Variants in XPNPEP2 observed in about 807,000 individuals in gnomAD.
XPNPEP2 encodes the protein xaa-Pro aminopeptidase 2.
In XPNPEP2, 64 loss-of-function variants were observed where a neutral mutation model predicts 59.8. The ratio of observed to expected loss-of-function variants is 1.07; its 90% CI spans 0.87 to 1.32. XPNPEP2 has a LOEUF of 1.32. XPNPEP2 is among the 40% of genes most tolerant of loss of function. The probability of loss-of-function intolerance (pLI) is 0.00; values close to 1 mark genes in which losing one functional copy is unlikely to be tolerated. For missense variants in XPNPEP2, 575 were observed against 546.8 expected (o/e 1.05, Z -0.51); for synonymous variants, 235 against 210.0 (o/e 1.12, Z -1.03).
In XPNPEP2 at chrX:129,741,960, G is replaced by A. The variant is rs1157458321; in HGVS notation, c.50-148G>A. The A allele has an allele frequency of 2.7e-5, 13 of 476,028 alleles. No homozygotes were observed. In the East Asian group the frequency reaches 4.7e-4, roughly 17 times the overall value. 39.2% of individuals were successfully genotyped at this position (476,028 alleles called of 1,213,427 possible). A position where few individuals can be genotyped will look rare whatever the true frequency, so the allele number is the denominator to read the frequency against. ...AGTTCAGCCTGATTTCCTATGAAAT[G>A]TGATTATTTTTATCCTCAAGTAGAG... On this transcript the variant is annotated intron_variant, in intron 1 of 20. Transcript: ENST00000371106.
intron 7 of XPNPEP2, among the ~76,000 whole-genome samples, chrX:129,750,149 C>T (rs184463971): frequency 8.9e-5 from 10 of 112,663 alleles, no homozygotes; most frequent in Non-Finnish European, 1.7e-4. Context: ...TAATTCATTC[C>T]ATCCTCATAG....
rs777732622 is a variant in XPNPEP2, at chrX:129,761,298, C to G, written c.1603+22C>G. On this transcript the variant is annotated intron_variant, in intron 17 of 20. Transcript: ENST00000371106. ...GAGTGTAGGTGTCTCCTCAGCACTC[C>G]CCAGGCCACCCCCCTTTTATTATAC... 3.0e-5 allele frequency: 34 copies of G among 1,123,620 alleles called. No homozygotes were observed. The South Asian group carries it at 6.1e-4, about 20-fold the overall frequency. 92.6% of individuals were successfully genotyped at this position (1,123,620 alleles called of 1,213,427 possible). A position where few individuals can be genotyped will look rare whatever the true frequency, so the allele number is the denominator to read the frequency against.
In XPNPEP2 at chrX:129,743,874, T is replaced by A. The variant is rs751155972; in HGVS notation, c.124-87T>A. ...CTTCAGGAGAGGCTGGGGGCTCTTC[T>A]GGAGGCCAGGGGCCCAGATGTCATT... is the stretch of plus-strand genomic sequence containing the variant. On this transcript the variant is annotated intron_variant, in intron 2 of 20. Coordinates refer to ENST00000371106, the MANE Select transcript of XPNPEP2 (RefSeq NM_003399.6). 2.4e-5 allele frequency: 21 copies of A among 884,682 alleles called. No individual in the cohort carries two copies. In the African/African-American group the frequency reaches 2.9e-4, roughly 12 times the overall value. The allele number at this position is 884,682 out of a possible 1,213,427, so 72.9% of individuals were successfully genotyped here.
chrX:129,742,506 T>C (rs1187670123), intron 2 of XPNPEP2, among the ~76,000 whole-genome samples: 2 of 109,184 alleles, frequency 1.8e-5, no homozygotes, highest in Non-Finnish European at 3.8e-5. Flanking sequence ...GGCCCCTAAC[T>C]GGCCTTTGGC....
intron 16 of XPNPEP2, 94 bp from the exon 17 acceptor site, chrX:129,761,078 C>T: frequency 1.1e-6 from 1 of 904,368 alleles, no homozygotes; most frequent in Non-Finnish European, 1.6e-6. Context: ...GGCCCCTCTT[C>T]TTAGGCACCA....
chrX:129,752,334 A>G lies in XPNPEP2; in HGVS notation c.1006A>G (p.Met336Val). ...TSYTMYGIYE[M>V]IPKEKLVTDT... ...CTATACCATGTATGGGATCTATGAAATGATACCCAAGGTGGGTTTGCCAGG... is the reference window on the plus strand; with the variant it reads ...CTATACCATGTATGGGATCTATGAAGTGATACCCAAGGTGGGTTTGCCAGG... Residue 336 changes from methionine (M) to valine (V), a missense_variant, in exon 10 of 21, where the codon ATG (methionine) becomes GTG (valine). Transcript: ENST00000371106. The G allele has an allele frequency of 2.5e-6, 3 of 1,210,628 alleles. No homozygotes were observed. Among genetic ancestry groups the G allele is most frequent in the Non-Finnish European group, 3.4e-6 (3 of 894,811 alleles).
intron 2 of XPNPEP2, 134 bp downstream of exon 2, chrX:129,742,315 T>C (rs747593949): frequency 6.1e-6 from 2 of 329,874 alleles, no homozygotes; most frequent in East Asian, 1.1e-4. Context: ...GGTCAGTTGG[T>C]AGCCCCTCCT....
rs1460478930 is a variant in XPNPEP2 at position 129,751,785 on chromosome X, C to G, written c.780C>G (p.Pro260=). The G allele has an allele frequency of 3.3e-6, 4 of 1,211,366 alleles. No individual in the cohort carries two copies. Among genetic ancestry groups the G allele is most frequent in the Non-Finnish European group, 4.5e-6 (4 of 895,200 alleles). Residue 260 remains proline (P), a synonymous_variant, in exon 9 of 21, where the codon CCC becomes CCG. Coordinates refer to ENST00000371106, the MANE Select transcript of XPNPEP2 (RefSeq NM_003399.6). ...GAGCCAGTGACATCCCCTATAACCC[C>G]TTCTTCTATTCCTACACGCTGCTCA... ...NLRASDIPYN[P]FFYSYTLLTD...
chrX:129,760,689 C>T (rs752324388), intron 16 of XPNPEP2, 108 bp downstream of exon 16: 2 of 821,407 alleles, frequency 2.4e-6, no homozygotes, highest in Non-Finnish European at 3.5e-6. Flanking sequence ...TCATCCCATC[C>T]CTTATGTAGA....
chrX:129,767,535 T>C lies in XPNPEP2; in HGVS notation c.1741-68T>C, dbSNP rs191527747. ...TCCTCCGGGTGGAGTGCTCCTTCCT[T>C]CCCTTCAGCCCAGTTCCTCCTCCTC... On this transcript the variant is annotated intron_variant, in intron 19 of 20. Coordinates refer to ENST00000371106, the MANE Select transcript of XPNPEP2 (RefSeq NM_003399.6). 2.8e-6 allele frequency: 3 copies of C among 1,083,009 alleles called. No individual in the cohort carries two copies. In the East Asian group the frequency reaches 9.1e-5, roughly 33 times the overall value. The allele number at this position is 1,083,009 out of a possible 1,213,427, so 89.3% of individuals were successfully genotyped here.
intron 8 of XPNPEP2, 94 bp downstream of exon 8, chrX:129,750,663 A>G (rs1926375294): frequency 9.6e-6 from 7 of 731,085 alleles, no homozygotes; most frequent in Non-Finnish European, 1.4e-5. Context: ...CTCTTCCCCA[A>G]ATAACCATGT....
chrX:129,739,336 G>C, intron 1 of XPNPEP2, 74 bp downstream of exon 1: 2 of 1,077,814 alleles, frequency 1.9e-6, no homozygotes, highest in East Asian at 3.0e-5. Flanking sequence ...GTTGGAGTGA[G>C]GGTTGGGGCC....
intron 14 of XPNPEP2, among the ~76,000 whole-genome samples, chrX:129,758,657 G>A (rs1479958603): frequency 2.7e-5 from 3 of 112,184 alleles, no homozygotes; most frequent in Non-Finnish European, 5.6e-5. Flanking sequence ...GGAAACAGCC[G>A]CATGGCCTCA....
At chrX:129,763,350 G>A (rs1254299123) in intron 19 of XPNPEP2, among the ~76,000 whole-genome samples, 2 of 112,151 alleles carry the variant, frequency 1.8e-5, no homozygotes, top group Non-Finnish European at 3.8e-5. Context: ...ATAAACATGC[G>A]AAGATAGCTA....
Position 129,746,132 on chromosome X carries a change from C to G in XPNPEP2, c.299-104C>G, listed in dbSNP as rs76496169. ...GGAGGAGAGAATCTCTTTCCAGAGG[C>G]CCCTTGTGGCATTCTCAGAGCCAGC... is the stretch of plus-strand genomic sequence containing the variant. On this transcript the variant is annotated intron_variant, in intron 4 of 20. Coordinates refer to ENST00000371106, the MANE Select transcript of XPNPEP2 (RefSeq NM_003399.6). The G allele has an allele frequency of 1.1e-3, 713 of 624,527 alleles. 6 individuals are homozygous for G. In the East Asian group the frequency reaches 0.014, roughly 12 times the overall value. The allele number at this position is 624,527 out of a possible 1,213,427, so 51.5% of individuals were successfully genotyped here.
rs778684310 is a variant in XPNPEP2, at chrX:129,762,769, A to C, written c.1739A>C (p.Lys580Thr). ...GCTCTCGTGGTAGAAGCAAAGACCAAGGTAAACTGCCACCAGGATGGGCTG... is the reference window on the plus strand; with the variant it reads ...GCTCTCGTGGTAGAAGCAAAGACCACGGTAAACTGCCACCAGGATGGGCTG... ...DVALVVEAKT[K>T]YPGSYLTFEV... The change falls in exon 19 of 21, where the codon AAG becomes ACG. Residue 580 changes from lysine (K) to threonine (T), a missense_variant and splice_region_variant. Coordinates refer to ENST00000371106, the MANE Select transcript of XPNPEP2 (RefSeq NM_003399.6). The C allele has an allele frequency of 8.3e-7, 1 of 1,210,156 alleles. No individual in the cohort carries two copies. The highest frequency in any genetic ancestry group is 1.8e-5 in the South Asian group (1 of 56,981).
chrX:129,745,642 T>C (rs1443091450), intron 4 of XPNPEP2, among the ~76,000 whole-genome samples: 1 of 111,900 alleles, frequency 8.9e-6, no homozygotes, highest in African/African-American at 3.3e-5. Context: ...AGTTTTCCTT[T>C]GCCGGTTGTT....
chrX:129,751,535 G>GAAGAAAGAAAGAAAGA (rs1178245774), intron 8 of XPNPEP2, among the ~76,000 whole-genome samples: 10 of 50,861 alleles, frequency 2.0e-4, no homozygotes, highest in Non-Finnish European at 2.6e-4. Context: ...AGAAAGAAAG[G>GAAGAAAGAAAGAAAGA]AAGAAAGAAA....
rs1195712638 is a variant in XPNPEP2, at chrX:129,740,774, C to G, written c.50-1334C>G. ...GGCCAATATAGTGAAACCCCCATCT[C>G]TACTAAAAATACAAAAATTAGCTGG... is the stretch of plus-strand genomic sequence containing the variant. On this transcript the variant is annotated intron_variant, in intron 1 of 20. Coordinates refer to ENST00000371106, the MANE Select transcript of XPNPEP2 (RefSeq NM_003399.6). Among the ~76,000 whole-genome samples the G allele has an allele frequency of 5.5e-5, 6 of 110,071 alleles. No homozygotes were observed. In the East Asian group the frequency reaches 1.1e-3, roughly 21 times the overall value.
Sources: gnomAD v4.1 joint callset for allele counts (sites outside exome capture counted in the v4.1 genomes callset) on GRCh38, gnomAD v4.1.1 for gene constraint, MANE v1.5 for transcripts, NCBI Gene and HGNC (gene_info 2026-07-23, HGNC 2026-07-21) for gene names.